The following COL4A4 variants were observed in gnomAD, a reference collection of about 807,000 sequenced individuals.
COL4A4 encodes collagen type IV alpha 4 chain.
COL4A4 carries 105 observed loss-of-function variants against 192.9 expected under a neutral mutation model. That is an observed-to-expected ratio of 0.54 (90% CI 0.46 to 0.64). The LOEUF is 0.64. Among genes scored for constraint, COL4A4 ranks in the 30% least tolerant of loss-of-function variants. COL4A4 has a pLI of 0.00. For missense variants in COL4A4, 1,967 were observed against 2,169.3 expected (o/e 0.91, Z 1.85); for synonymous variants, 762 against 769.9 (o/e 0.99, Z 0.17).
chr2:227,142,339 G>GACATTCAC (rs1280531457), intron 3 of COL4A4, among the ~76,000 whole-genome samples: 3 of 152,022 alleles, frequency 2.0e-5, no homozygotes, highest in Non-Finnish European at 2.9e-5. Context: ...AAGTACGAAC[G>GACATTCAC]ACATTCACTG....
At chr2:227,128,996 T>C (rs771234109) in intron 4 of COL4A4, among the ~76,000 whole-genome samples, 2 of 152,204 alleles carry the variant, frequency 1.3e-5, no homozygotes, top group African/African-American at 2.4e-5. Flanking sequence ...AGCCTTTCTT[T>C]ACCTGTAGCT....
chr2:227,124,596 CATAAAT>C (rs756304694), intron 4 of COL4A4, among the ~76,000 whole-genome samples: 1 of 152,096 alleles, frequency 6.6e-6, no homozygotes, highest in Non-Finnish European at 1.5e-5. Flanking sequence ...AACTTAAATA[CATAAAT>C]ATGTATTATG....
At chr2:227,046,676 C>T (rs1226928843) in intron 35 of COL4A4, among the ~76,000 whole-genome samples, 1 of 151,982 alleles carries the variant, frequency 6.6e-6, no homozygotes, top group African/African-American at 2.4e-5. Context: ...ATGAGTTAAA[C>T]CAATAGAACA....
At chr2:227,147,645 C>T in intron 1 of COL4A4, 61 bp from the exon 2 acceptor site, 1 of 638,998 alleles carries the variant, frequency 1.6e-6, no homozygotes, top group East Asian at 2.9e-5. Context: ...AAAATAATTA[C>T]TTTCATTTTT....
At position 227,134,348 on chromosome 2, in the gene COL4A4, T is replaced by C. The variant is rs1427363721; in HGVS notation, c.192+5813A>G. 6.6e-5 allele frequency among the ~76,000 whole-genome samples: 10 copies of C among 152,298 alleles called. No homozygotes were observed. The East Asian group carries it at 1.9e-3, about 29-fold the overall frequency. On this transcript the variant is annotated intron_variant, in intron 4 of 47. Coordinates refer to ENST00000396625, the MANE Select transcript of COL4A4 (RefSeq NM_000092.5). ...AGAGAGTTCTTGGAGGAGGAAGATA[T>C]AGCAAGAAGAACAAAAAAGCAAACC...
Position 227,057,550 on chromosome 2 carries a change from C to G in COL4A4, c.2434G>C (p.Glu812Gln). The change falls in exon 29 of 48, where the codon GAG becomes CAG. Residue 812 changes from glutamate (E) to glutamine (Q), a missense_variant. Coordinates refer to ENST00000396625, the MANE Select transcript of COL4A4 (RefSeq NM_000092.5). ...FLGLKGPKGR[E>Q]GHAGFPGVPG... ...ACACCTGGAAACCCAGCATGTCCCT[C>G]TCTGCCTTTGGGACCTTTGAGACCT... 1 of 1,614,098 alleles carries G rather than the reference C, an allele frequency of 6.2e-7. No individual in the cohort carries two copies. Among genetic ancestry groups the G allele is most frequent in the Non-Finnish European group, 8.5e-7 (1 of 1,179,998 alleles).
intron 3 of COL4A4, among the ~76,000 whole-genome samples, chr2:227,143,304 T>C (rs1188891477): frequency 6.6e-6 from 1 of 152,224 alleles, no homozygotes; most frequent in Non-Finnish European, 1.5e-5. Context: ...CTTGGGCATA[T>C]TTATCTGTAT....
Position 227,119,107 on chromosome 2 carries a change from A to G in COL4A4, c.373-346T>C, listed in dbSNP as rs1227708332. 2.6e-5 allele frequency among the ~76,000 whole-genome samples: 4 copies of G among 151,884 alleles called. No homozygotes were observed. In the East Asian group the frequency reaches 5.8e-4, roughly 22 times the overall value. On this transcript the variant is annotated intron_variant, in intron 6 of 47. Coordinates refer to ENST00000396625, the MANE Select transcript of COL4A4 (RefSeq NM_000092.5). Reference sequence around the variant, plus strand: ...TATGAGAAATGGGAGTATTAAGCTCACTACAAATATTAGGACTCATCAGCA... The same window carrying G: ...TATGAGAAATGGGAGTATTAAGCTCGCTACAAATATTAGGACTCATCAGCA...
At chr2:227,093,979 GT>G in intron 20 of COL4A4, 145 bp downstream of exon 20, 1 of 699,620 alleles carries the variant, frequency 1.4e-6, no homozygotes. Context: ...TCCAACTTCA[GT>G]TTATTTGTTT....
chr2:227,088,528 C>T (rs938917021), intron 22 of COL4A4, 125 bp downstream of exon 22: 49 of 1,270,880 alleles, frequency 3.9e-5, no homozygotes, highest in African/African-American at 2.5e-4. Context: ...TACAGAACTG[C>T]GAGTCAATTA....
At chr2:227,140,446 A>T (rs924559078) in intron 3 of COL4A4, among the ~76,000 whole-genome samples, 3 of 152,214 alleles carry the variant, frequency 2.0e-5, no homozygotes, top group African/African-American at 7.2e-5. Flanking sequence ...CAAACTGAGG[A>T]TGCTGAAGGA....
intron 25 of COL4A4, among the ~76,000 whole-genome samples, chr2:227,065,457 C>T (rs2058263285): frequency 6.6e-6 from 1 of 152,202 alleles, no homozygotes; most frequent in South Asian, 2.1e-4. Flanking sequence ...CAGCAGTAAC[C>T]TCTGCAGACT....
At chr2:227,103,036 A>AAT in intron 14 of COL4A4, 108 bp downstream of exon 14, 2 of 1,118,810 alleles carry the variant, frequency 1.8e-6, no homozygotes, top group Non-Finnish European at 2.7e-6. Context: ...AAATTCTGGT[A>AAT]ATATATATTA....
intron 1 of COL4A4, among the ~76,000 whole-genome samples, chr2:227,155,432 A>G (rs918762432): frequency 5.9e-5 from 9 of 152,212 alleles, no homozygotes; most frequent in Admixed American, 4.6e-4. Flanking sequence ...AAATTATACA[A>G]CTGACTTTCC....
the COL4A4 span, chr2:226,969,012 G>T: frequency 9.8e-6 from 2 of 204,560 alleles, no homozygotes; most frequent in Non-Finnish European, 2.1e-5. Flanking sequence ...GTATGGACCA[G>T]TCATGGACAC....
At chr2:227,012,064 C>T in intron 45 of COL4A4, 117 bp downstream of exon 45, 1 of 821,544 alleles carries the variant, frequency 1.2e-6, no homozygotes, top group Non-Finnish European at 2.1e-6. Context: ...GAGTCAGCAT[C>T]TAAGGCAAAT....
chr2:227,108,598 C>T lies in COL4A4; in HGVS notation c.718G>A (p.Gly240Arg). The change falls in exon 12 of 48, where the codon GGG becomes AGG. Residue 240 changes from glycine (G) to arginine (R), a missense_variant. Coordinates refer to ENST00000396625, the MANE Select transcript of COL4A4 (RefSeq NM_000092.5). The stretch of plus-strand genomic sequence containing the variant: ...ATTCTTACCGGGTCTCCCATTTGCC[C>T]CTTTACTCCCACACCGGGATTTCCC... The part of the protein sequence containing the change: ...LKGNPGVGVK[G>R]QMGDPGEVGQ... 6.2e-7 allele frequency: 1 copy of T among 1,614,016 alleles called. No individual in the cohort carries two copies. The highest frequency in any genetic ancestry group is 8.5e-7 in the Non-Finnish European group (1 of 1,179,920).
At chr2:227,115,430 C>G (rs1444351051) in intron 7 of COL4A4, among the ~76,000 whole-genome samples, 1 of 151,022 alleles carries the variant, frequency 6.6e-6, no homozygotes, top group Non-Finnish European at 1.5e-5. Flanking sequence ...ACCACCGTGC[C>G]TGGCTAATTT....
In COL4A4 at chr2:227,056,058, A is replaced by C; in HGVS notation, c.2603T>G (p.Met868Arg). The change falls in exon 30 of 48, where the codon ATG becomes AGG. Residue 868 changes from methionine (M) to arginine (R), a missense_variant. Coordinates refer to ENST00000396625, the MANE Select transcript of COL4A4 (RefSeq NM_000092.5). Reference protein sequence around the residue: ...GDVGPPGPAGMKGLPGLPGRP... With the variant: ...GDVGPPGPAGRKGLPGLPGRP... ...TCCTGGGAGTCCGGGGAGGCCTTTC[A>C]TTCCAGCTGGCCCGGGAGGCCCCAC... The C allele has an allele frequency of 6.2e-7, 1 of 1,614,008 alleles. No individual in the cohort carries two copies. Among genetic ancestry groups the C allele is most frequent in the Non-Finnish European group, 8.5e-7 (1 of 1,179,982 alleles).
Sources: gnomAD v4.1 joint callset for allele counts (sites outside exome capture counted in the v4.1 genomes callset) on GRCh38, gnomAD v4.1.1 for gene constraint, MANE v1.5 for transcripts, NCBI Gene and HGNC (gene_info 2026-07-23, HGNC 2026-07-21) for gene names.